Variants in ZBTB7C observed in about 807,000 individuals in gnomAD.
The protein encoded by ZBTB7C is zinc finger and BTB domain-containing protein 7C.
ZBTB7C carries 8 observed loss-of-function variants against 25.7 expected under a neutral mutation model. That is an observed-to-expected ratio of 0.31 (90% CI 0.18 to 0.56). ZBTB7C has a LOEUF of 0.56. Among genes scored for constraint, ZBTB7C ranks in the 20% least tolerant of loss-of-function variants. The pLI is 0.91. For synonymous variants in ZBTB7C, 394 were observed against 369.0 expected (o/e 1.07, Z -0.78); for missense variants, 824 against 855.2 (o/e 0.96, Z 0.46).
chr18:48,309,611 T>G (rs1228041907), intron 2 of ZBTB7C, among the ~76,000 whole-genome samples: 1 of 152,214 alleles, frequency 6.6e-6, no homozygotes, highest in African/African-American at 2.4e-5. Flanking sequence ...CAAATTGTCA[T>G]GTTATGCATG....
At chr18:48,391,478 T>G (rs544839237) in intron 1 of ZBTB7C, among the ~76,000 whole-genome samples, 2 of 152,120 alleles carry the variant, frequency 1.3e-5, no homozygotes, top group Non-Finnish European at 2.9e-5. Context: ...CATTGAATGT[T>G]TGATATGCAA....
intron 1 of ZBTB7C, among the ~76,000 whole-genome samples, chr18:48,358,627 T>C (rs1015145811): frequency 2.0e-5 from 3 of 152,194 alleles, no homozygotes; most frequent in Non-Finnish European, 2.9e-5. Context: ...AGGCATGGAA[T>C]TGATTTCTGT....
At chr18:48,275,496 G>A (rs1018634871) in intron 2 of ZBTB7C, among the ~76,000 whole-genome samples, 2 of 152,168 alleles carry the variant, frequency 1.3e-5, no homozygotes, top group African/African-American at 2.4e-5. Context: ...CTGATAGATT[G>A]AATTGAGTCC....
intron 2 of ZBTB7C, among the ~76,000 whole-genome samples, chr18:48,289,888 G>A (rs1433339551): frequency 6.6e-6 from 1 of 152,100 alleles, no homozygotes; most frequent in Non-Finnish European, 1.5e-5. Context: ...GTTACCATCC[G>A]AGACAGATAC....
chr18:48,045,971 G>A (rs1293627012), intron 3 of ZBTB7C, among the ~76,000 whole-genome samples: 3 of 152,216 alleles, frequency 2.0e-5, no homozygotes, highest in African/African-American at 7.2e-5. Flanking sequence ...CTTGCTAGTT[G>A]AATGGGTGAG....
chr18:48,252,941 C>G (rs1211997913), intron 2 of ZBTB7C: 6 of 152,140 alleles, frequency 3.9e-5, no homozygotes, highest in Admixed American at 3.9e-4. Context: ...GATGATGAAT[C>G]CCAGTGTTTT....
At chr18:48,096,799 A>G (rs983361902) in intron 3 of ZBTB7C, among the ~76,000 whole-genome samples, 1 of 152,350 alleles carries the variant, frequency 6.6e-6, no homozygotes, top group East Asian at 1.9e-4. Flanking sequence ...ATTTGACTCA[A>G]TGATCCTGTC....
intron 2 of ZBTB7C, among the ~76,000 whole-genome samples, chr18:48,336,405 T>C (rs2046458801): frequency 6.6e-6 from 1 of 152,208 alleles, no homozygotes; most frequent in Non-Finnish European, 1.5e-5. Flanking sequence ...CCAGCTGCTG[T>C]CCTAAGTGTG....
At chr18:48,147,641 A>C (rs2040537183) in intron 3 of ZBTB7C, 1 of 149,058 alleles carries the variant, frequency 6.7e-6, no homozygotes, top group Non-Finnish European at 1.5e-5. Flanking sequence ...TTTGAGAAGG[A>C]GTCTCACTCT....
rs566738229 is a variant in ZBTB7C, at chr18:48,142,035, C to T, written c.-17+43899G>A. ...GGAGCCACGAACTGAAGCTAAGCTA[C>T]ACTTTAACAGCCCTTTATATGGTCA... On this transcript the variant is annotated intron_variant, in intron 3 of 4. Coordinates refer to ENST00000590800, the MANE Select transcript of ZBTB7C (RefSeq NM_001318841.2). 3.9e-5 allele frequency among the ~76,000 whole-genome samples: 6 copies of T among 152,384 alleles called. No homozygotes were observed. In the South Asian group the frequency reaches 1.2e-3, roughly 32 times the overall value.
chr18:48,411,840 A>G (rs1383337903), upstream of ZBTB7C, among the ~76,000 whole-genome samples: 1 of 152,254 alleles, frequency 6.6e-6, no homozygotes, highest in African/African-American at 2.4e-5. Flanking sequence ...CTCTGGCTCA[A>G]AGTAGATGTT....
intron 1 of ZBTB7C, among the ~76,000 whole-genome samples, chr18:48,402,651 A>T (rs1599050727): frequency 6.6e-6 from 1 of 152,282 alleles, no homozygotes; most frequent in East Asian, 1.9e-4. Flanking sequence ...AGAGAAAGGA[A>T]CCTTTCTGTT....
chr18:48,353,959 C>G (rs1010898426), intron 1 of ZBTB7C, among the ~76,000 whole-genome samples: 6 of 152,164 alleles, frequency 3.9e-5, no homozygotes, highest in Non-Finnish European at 7.3e-5. Flanking sequence ...TACCTCTACT[C>G]TAAATCACCT....
chr18:48,079,666 C>A (rs753157201), intron 3 of ZBTB7C, among the ~76,000 whole-genome samples: 2 of 152,228 alleles, frequency 1.3e-5, no homozygotes, highest in African/African-American at 2.4e-5. Flanking sequence ...CCCATCAGAG[C>A]CCCTCCAGAC....
intron 2 of ZBTB7C, among the ~76,000 whole-genome samples, chr18:48,292,554 G>A (rs1307559251): frequency 6.6e-6 from 1 of 152,210 alleles, no homozygotes; most frequent in African/African-American, 2.4e-5. Flanking sequence ...AAGGACAGGG[G>A]CAAGCAGAGA....
chr18:48,112,152 G>A (rs2039263334), intron 3 of ZBTB7C, among the ~76,000 whole-genome samples: 1 of 151,808 alleles, frequency 6.6e-6, no homozygotes, highest in Non-Finnish European at 1.5e-5. Context: ...TAGTTGTACA[G>A]AATGATCCCA....
At chr18:48,292,210 T>A (rs1281235417) in intron 2 of ZBTB7C, among the ~76,000 whole-genome samples, 1 of 150,098 alleles carries the variant, frequency 6.7e-6, no homozygotes, top group African/African-American at 2.5e-5. Flanking sequence ...AAAAAAAAAA[T>A]TGCTACGATC....
chr18:48,156,865 A>AGGAGAGACCAGGATTGGGGAT (rs2040855610), intron 3 of ZBTB7C, among the ~76,000 whole-genome samples: 1 of 151,274 alleles, frequency 6.6e-6, no homozygotes, highest in African/African-American at 2.4e-5. Context: ...GATAAGAGAG[A>AGGAGAGACCAGGATTGGGGAT]GGAGAGACCA....
At chr18:48,031,675 G>T (rs2035754178) in intron 4 of ZBTB7C, among the ~76,000 whole-genome samples, 1 of 152,238 alleles carries the variant, frequency 6.6e-6, no homozygotes, top group Admixed American at 6.5e-5. Context: ...GAGGGACAAA[G>T]GATTTGCATT....
Sources: allele counts gnomAD v4.1 joint callset (sites outside exome capture counted in the v4.1 genomes callset), GRCh38; gene constraint gnomAD v4.1.1; transcripts MANE v1.5; gene names NCBI Gene and HGNC (gene_info 2026-07-23, HGNC 2026-07-21).